Variants in LPIN2 observed in about 807,000 individuals in gnomAD.
LPIN2 encodes phosphatidate phosphatase LPIN2.
In LPIN2, 55 loss-of-function variants were observed where a neutral mutation model predicts 111.4. The ratio of observed to expected loss-of-function variants is 0.49; its 90% CI spans 0.40 to 0.62. The LOEUF (loss-of-function observed/expected upper bound fraction) is 0.62. Ranked by LOEUF, LPIN2 falls within the 20% of genes least tolerant of loss-of-function variation. The pLI is 0.00. For synonymous variants in LPIN2, 425 were observed against 414.0 expected, an observed-to-expected ratio of 1.03 and a Z score of -0.32; for missense variants, 992 against 1,112.1, an observed-to-expected ratio of 0.89 and a Z score of 1.54.
At chr18:2,927,934 A>G (rs953567704) in intron 11 of LPIN2, 123 bp from the exon 12 acceptor site, 1 of 818,938 alleles carries the variant, frequency 1.2e-6, no homozygotes, top group Non-Finnish European at 2.2e-6. Flanking sequence ...TGCTCTCTTC[A>G]CACCTCCCAG....
chr18:2,989,845 A>T (rs944639565), intron 1 of LPIN2, among the ~76,000 whole-genome samples: 1 of 151,594 alleles, frequency 6.6e-6, no homozygotes, highest in Admixed American at 6.6e-5. Context: ...ACTTGAACCC[A>T]GGAGGTGGAA....
chr18:2,967,041 C>T (rs965268859), intron 1 of LPIN2: 7 of 152,152 alleles, frequency 4.6e-5, no homozygotes, highest in Non-Finnish European at 7.3e-5. Context: ...CCCATGATTA[C>T]GGTTTGCATT....
intron 1 of LPIN2, among the ~76,000 whole-genome samples, chr18:2,978,490 C>G (rs1043443196): frequency 6.6e-5 from 10 of 152,110 alleles, no homozygotes; most frequent in African/African-American, 1.4e-4. Flanking sequence ...GAGACAAATT[C>G]AACAAAATAT....
chr18:2,970,046 G>GA (rs1049297429), intron 1 of LPIN2, among the ~76,000 whole-genome samples: 9 of 152,156 alleles, frequency 5.9e-5, no homozygotes, highest in East Asian at 1.9e-4. Context: ...GTGCTTCTGT[G>GA]AAAAAACTCA....
intron 1 of LPIN2, among the ~76,000 whole-genome samples, chr18:2,999,199 A>G (rs2078391191): frequency 6.6e-6 from 1 of 152,256 alleles, no homozygotes; most frequent in South Asian, 2.1e-4. Context: ...CTGGTAGCTC[A>G]GAATGTGACC....
intron 4 of LPIN2, chr18:2,948,106 A>G (rs867748058): frequency 6.6e-6 from 1 of 152,204 alleles, no homozygotes; most frequent in South Asian, 2.1e-4. Context: ...CTTTTTTTAA[A>G]GTCCTAATTT....
At chr18:2,938,104 G>T in intron 6 of LPIN2, 67 bp from the exon 7 acceptor site, 1 of 1,213,890 alleles carries the variant, frequency 8.2e-7, no homozygotes, top group Non-Finnish European at 1.2e-6. Context: ...TATTTCCTAA[G>T]CTGGCAATGT....
chr18:2,954,099 A>G (rs1362525072), intron 3 of LPIN2, among the ~76,000 whole-genome samples: 1 of 152,236 alleles, frequency 6.6e-6, no homozygotes, highest in East Asian at 1.9e-4. Flanking sequence ...CAAAATGGTA[A>G]ACATGAGTCC....
chr18:3,002,708 T>C (rs1362207490), intron 1 of LPIN2, among the ~76,000 whole-genome samples: 1 of 152,224 alleles, frequency 6.6e-6, no homozygotes, highest in African/African-American at 2.4e-5. Context: ...CATTAAACAA[T>C]GTTTTTCTTT....
At chr18:3,001,853 A>G (rs544253662) in intron 1 of LPIN2, among the ~76,000 whole-genome samples, 2 of 152,324 alleles carry the variant, frequency 1.3e-5, no homozygotes, top group South Asian at 2.1e-4. Flanking sequence ...AGCCTAATGA[A>G]TAAGAATCAC....
chr18:2,947,139 TTAAG>T (rs1346090613), intron 4 of LPIN2, among the ~76,000 whole-genome samples: 3 of 152,220 alleles, frequency 2.0e-5, no homozygotes, highest in Non-Finnish European at 4.4e-5. Context: ...GATATCACTT[TTAAG>T]TAAGTCTGCT....
At chr18:2,920,496 A>C (rs1424424187) in intron 19 of LPIN2, 59 bp from the exon 20 acceptor site, 13 of 1,580,160 alleles carry the variant, frequency 8.2e-6, no homozygotes, top group Non-Finnish European at 5.2e-6. Context: ...TCAAAGGCAC[A>C]AGATGGGGGG....
Position 2,937,716 on chromosome 18 carries a change from CT to C in LPIN2, c.1143del (p.Val382Ter). The C allele has an allele frequency of 6.2e-7, 1 of 1,614,142 alleles. No individual in the cohort carries two copies. Among genetic ancestry groups the C allele is most frequent in the South Asian group, 1.1e-5 (1 of 91,084 alleles). ...EAPSESKPAAKVDSPSKKKGV... is the reference protein window; with the variant it reads ...EAPSESKPAAXVDSPSKKKGV... ...CCTTTCTTCTTTGACGGCGAGTCTA[CT>C]TTAGCTGCCGGTTTGGATTCTGAGG... On this transcript the variant is annotated frameshift_variant, in exon 7 of 20. Coordinates refer to ENST00000677752, the MANE Select transcript of LPIN2 (RefSeq NM_001375808.2). LOFTEE classifies it high-confidence loss of function.
intron 1 of LPIN2, among the ~76,000 whole-genome samples, chr18:2,965,731 C>A (rs80156084): frequency 4.2e-3 from 429 of 103,196 alleles, no homozygotes; most frequent in Middle Eastern, 0.01. Context: ...CTCCCAATCT[C>A]AAAAAAAAAA....
chr18:2,960,543 C>A, intron 2 of LPIN2, 106 bp downstream of exon 2: 1 of 1,125,270 alleles, frequency 8.9e-7, no homozygotes, highest in Non-Finnish European at 1.3e-6. Flanking sequence ...AGAAAACTCA[C>A]AATAGCGATT....
chr18:2,976,630 G>T (rs945099858), intron 1 of LPIN2, among the ~76,000 whole-genome samples: 1 of 152,080 alleles, frequency 6.6e-6, no homozygotes, highest in African/African-American at 2.4e-5. Context: ...ATTTCCTGAG[G>T]TGTGCTCAAT....
intron 7 of LPIN2, 149 bp downstream of exon 7, chr18:2,937,543 C>CT (rs1738431479): frequency 3.6e-6 from 2 of 561,624 alleles, no homozygotes; most frequent in Non-Finnish European, 5.7e-6. Context: ...GAAACTCCAG[C>CT]TAAAAAAAAA....
At position 2,957,327 on chromosome 18, in the gene LPIN2, A is replaced by G. The variant is rs80073950; in HGVS notation, c.193-2728T>C. On this transcript the variant is annotated intron_variant, in intron 2 of 19. Transcript: ENST00000677752. ...ATGCTCAAAAATCTGAAACTTCTTG[A>G]GCATTTACATGACACTCAAAGATAA... 3.0e-3 allele frequency among the ~76,000 whole-genome samples: 461 copies of G among 152,358 alleles called. 2 individuals are homozygous for G. The highest frequency in any genetic ancestry group is 4.7e-3 in the Admixed American group (72 of 15,304).
intron 8 of LPIN2, among the ~76,000 whole-genome samples, chr18:2,931,951 AGAAG>A (rs1322606346): frequency 6.6e-6 from 1 of 152,216 alleles, no homozygotes; most frequent in East Asian, 1.9e-4. Context: ...TACCTCACAA[AGAAG>A]GAAGGAGAAA....
Sources: gnomAD v4.1 joint callset for allele counts (sites outside exome capture counted in the v4.1 genomes callset) on GRCh38, gnomAD v4.1.1 for gene constraint, MANE v1.5 for transcripts, NCBI Gene and HGNC (gene_info 2026-07-23, HGNC 2026-07-21) for gene names.